Variants in TCF4 observed in about 807,000 individuals in gnomAD.
The protein encoded by TCF4 is SL3-3 enhancer factor 2.
Under a neutral mutation model 82.1 loss-of-function variants are expected in TCF4, and 3 were observed. The observed-to-expected ratio is 0.04, with a 90% confidence interval of 0.02 to 0.09. TCF4 has a LOEUF of 0.09. TCF4 is among the 10% of genes least tolerant of loss of function. TCF4 has a pLI of 1.00. For synonymous variants in TCF4, 276 were observed against 309.6 expected (o/e 0.89, Z 1.14); for missense variants, 518 against 852.7 (o/e 0.61, Z 4.89).
intron 8 of TCF4, among the ~76,000 whole-genome samples, chr18:55,341,619 T>G (rs2144418399): frequency 6.6e-6 from 1 of 152,282 alleles, no homozygotes; most frequent in Middle Eastern, 3.4e-3. Context: ...TTTTTCTACC[T>G]TGCTACACCA....
At chr18:55,469,188 G>C (rs1266858037) in intron 3 of TCF4, among the ~76,000 whole-genome samples, 2 of 152,176 alleles carry the variant, frequency 1.3e-5, no homozygotes, top group African/African-American at 4.8e-5. Flanking sequence ...CATTGGTCGG[G>C]TGCAATGGCT....
intron 8 of TCF4, among the ~76,000 whole-genome samples, chr18:55,317,452 GT>G (rs1456498312): frequency 1.3e-5 from 2 of 152,010 alleles, no homozygotes; most frequent in African/African-American, 2.4e-5. Context: ...AATTTGCATA[GT>G]TGACACTCTA....
At chr18:55,385,932 G>A (rs771996714) in intron 6 of TCF4, among the ~76,000 whole-genome samples, 4 of 152,194 alleles carry the variant, frequency 2.6e-5, no homozygotes, top group Non-Finnish European at 5.9e-5. Flanking sequence ...CACGGCCACT[G>A]CCATCAGCTC....
chr18:55,589,534 T>TA (rs1006207063), upstream of TCF4: 401 of 1,018,326 alleles, frequency 3.9e-4, no homozygotes, highest in East Asian at 1.1e-3. Context: ...AAGAAATCAT[T>TA]AAAAAAAAAT....
At chr18:55,287,457 C>T (rs997736564) in intron 8 of TCF4, among the ~76,000 whole-genome samples, 5 of 152,332 alleles carry the variant, frequency 3.3e-5, no homozygotes, top group African/African-American at 7.2e-5. Context: ...TTTCCTTTCC[C>T]GTTTTAGGAA....
At chr18:55,428,220 A>T (rs2095062021) in intron 5 of TCF4, among the ~76,000 whole-genome samples, 1 of 152,136 alleles carries the variant, frequency 6.6e-6, no homozygotes. Context: ...TTCTTAAAAA[A>T]CTATGCTTAG....
chr18:55,621,645 A>G (rs186911106), intron 2 of TCF4, among the ~76,000 whole-genome samples: 6 of 16,952 alleles, frequency 3.5e-4, no homozygotes, highest in African/African-American at 5.0e-4. Flanking sequence ...ATTATATAAT[A>G]TACATTATAT....
At chr18:55,432,048 T>C (rs1158658618) in intron 5 of TCF4, among the ~76,000 whole-genome samples, 2 of 152,198 alleles carry the variant, frequency 1.3e-5, no homozygotes, top group Non-Finnish European at 1.5e-5. Context: ...ATGCCTGTAA[T>C]CCCAGCACTT....
intron 5 of TCF4, among the ~76,000 whole-genome samples, chr18:55,415,542 T>A (rs1037278533): frequency 5.3e-5 from 8 of 152,150 alleles, no homozygotes; most frequent in African/African-American, 1.9e-4. Context: ...TCTCACCAAA[T>A]CTGTATGGGG....
At chr18:55,284,926 T>TC (rs1365138983) in intron 8 of TCF4, among the ~76,000 whole-genome samples, 2 of 152,176 alleles carry the variant, frequency 1.3e-5, no homozygotes, top group African/African-American at 4.8e-5. Context: ...CTTTGATGCT[T>TC]CTCTCAGCAT....
chr18:55,260,374 T>C (rs191251601), intron 12 of TCF4, among the ~76,000 whole-genome samples: 126 of 152,280 alleles, frequency 8.3e-4, no homozygotes, highest in Non-Finnish European at 1.6e-3. Flanking sequence ...TTGAACAGGA[T>C]CATTCCTAAG....
chr18:55,382,517 A>G (rs544272485), intron 6 of TCF4, among the ~76,000 whole-genome samples: 1 of 152,288 alleles, frequency 6.6e-6, no homozygotes, highest in East Asian at 1.9e-4. Context: ...TTAATTAAAT[A>G]TGGAAGCCTA....
At chr18:55,462,297 T>A (rs1329510690) in intron 4 of TCF4, among the ~76,000 whole-genome samples, 1 of 152,182 alleles carries the variant, frequency 6.6e-6, no homozygotes, top group Non-Finnish European at 1.5e-5. Flanking sequence ...AGGCATTGCA[T>A]AATGCTAATT....
At chr18:55,374,916 A>G (rs2090359491) in intron 6 of TCF4, among the ~76,000 whole-genome samples, 1 of 151,004 alleles carries the variant, frequency 6.6e-6, no homozygotes, top group South Asian at 2.1e-4. Context: ...ATTTCCCCCA[A>G]ATATCAAAAA....
In TCF4 at chr18:55,400,964, G is replaced by A. The variant is rs1359870537; in HGVS notation, c.369+2490C>T. 4.7e-6 allele frequency: 6 copies of A among 1,288,778 alleles called. No homozygotes were observed. In the African/African-American group the frequency reaches 7.6e-5, roughly 16 times the overall value. 79.8% of individuals were successfully genotyped at this position (1,288,778 alleles called of 1,614,324 possible). A position where few individuals can be genotyped will look rare whatever the true frequency, so the allele number is the denominator to read the frequency against. On this transcript the variant is annotated intron_variant, in intron 6 of 19. Coordinates refer to ENST00000354452, the MANE Select transcript of TCF4 (RefSeq NM_001083962.2). ...CCGTATCTCAATCATGTAGTAAACA[G>A]AAGAAAACAAAAGCCTCCCCTCCAC...
At chr18:55,565,469 T>A (rs2097396377) in intron 3 of TCF4, among the ~76,000 whole-genome samples, 1 of 152,164 alleles carries the variant, frequency 6.6e-6, no homozygotes, top group Non-Finnish European at 1.5e-5. Flanking sequence ...ATAAGAAGAC[T>A]AGGACTCCCA....
chr18:55,623,816 A>T (rs923191549), intron 2 of TCF4, among the ~76,000 whole-genome samples: 2 of 152,098 alleles, frequency 1.3e-5, no homozygotes, highest in Non-Finnish European at 2.9e-5. Flanking sequence ...TTTTAATGTT[A>T]TTTTAATATT....
At chr18:55,616,009 AAAG>A (rs368067703) in intron 2 of TCF4, among the ~76,000 whole-genome samples, 12 of 152,160 alleles carry the variant, frequency 7.9e-5, no homozygotes, top group Admixed American at 5.9e-4. Flanking sequence ...CCCTCTAATT[AAAG>A]AAGTTTTTCA....
chr18:55,380,720 G>A (rs1424920806), intron 6 of TCF4, among the ~76,000 whole-genome samples: 1 of 152,204 alleles, frequency 6.6e-6, no homozygotes, highest in East Asian at 1.9e-4. Context: ...CATTCGCATG[G>A]TGAAAACACT....
Sources: allele counts gnomAD v4.1 joint callset (sites outside exome capture counted in the v4.1 genomes callset), GRCh38; gene constraint gnomAD v4.1.1; transcripts MANE v1.5; gene names NCBI Gene and HGNC (gene_info 2026-07-23, HGNC 2026-07-21).